SDK2: variants seen among roughly 807,000 people sequenced by gnomAD.
SDK2 encodes the protein sidekick cell adhesion molecule 2.
Under a neutral mutation model 253.9 loss-of-function variants are expected in SDK2, and 105 were observed. That is an observed-to-expected ratio of 0.41 (90% confidence interval 0.35 to 0.49). The LOEUF (loss-of-function observed/expected upper bound fraction) is 0.49, where lower values mean the gene tolerates loss of function less well. Among genes scored for constraint, SDK2 ranks in the 20% least tolerant of loss-of-function variants. The pLI is 0.06. For missense variants in SDK2, 2,608 were observed against 3,003.0 expected, an observed-to-expected ratio of 0.87 and a Z score of 3.07; for synonymous variants, 1,249 against 1,234.9, an observed-to-expected ratio of 1.01 and a Z score of -0.24.
intron 25 of SDK2, among the ~76,000 whole-genome samples, chr17:73,394,834 C>A (rs906961531): frequency 1.3e-5 from 2 of 152,194 alleles, no homozygotes; most frequent in African/African-American, 4.8e-5. Flanking sequence ...TGTGGTCTTT[C>A]AGGCACCACT....
chr17:73,434,347 T>C (rs1298824300), intron 9 of SDK2, among the ~76,000 whole-genome samples: 1 of 152,228 alleles, frequency 6.6e-6, no homozygotes, highest in Non-Finnish European at 1.5e-5. Flanking sequence ...GCACTCTCCT[T>C]GCCCCATCCC....
At chr17:73,357,742 A>G in intron 40 of SDK2, 1 of 380,256 alleles carries the variant, frequency 2.6e-6, no homozygotes, top group Non-Finnish European at 4.8e-6. Context: ...GTTATGGGGC[A>G]CCCATCAGTG....
At chr17:73,466,734 G>C (rs1229332875) in intron 3 of SDK2, among the ~76,000 whole-genome samples, 1 of 122,556 alleles carries the variant, frequency 8.2e-6, no homozygotes, top group Non-Finnish European at 1.7e-5. Context: ...CCCCGGCTTA[G>C]GCTCTGCATC....
chr17:73,513,142 G>GA (rs34520658), intron 1 of SDK2, among the ~76,000 whole-genome samples: 58,294 of 146,250 alleles, frequency 0.4, 12,881 homozygotes, highest in Non-Finnish European at 0.5. Context: ...ATTCTGCCTG[G>GA]AAAAAAAAAA....
At chr17:73,592,742 C>T (rs1039055062) in intron 1 of SDK2, among the ~76,000 whole-genome samples, 97 of 152,168 alleles carry the variant, frequency 6.4e-4, no homozygotes, top group Non-Finnish European at 1.3e-3. Context: ...CACACCCTGG[C>T]GGCTCCCCAT....
intron 37 of SDK2, among the ~76,000 whole-genome samples, chr17:73,368,200 A>C (rs57025115): frequency 0.012 from 1,798 of 152,150 alleles, 41 homozygotes; most frequent in African/African-American, 0.042. Context: ...GGGGTTTCTC[A>C]AGGCTTTATG....
At chr17:73,456,770 C>T (rs534216107) in intron 3 of SDK2, among the ~76,000 whole-genome samples, 3 of 152,294 alleles carry the variant, frequency 2.0e-5, no homozygotes, top group Non-Finnish European at 2.9e-5. Context: ...GCAGAGGAGA[C>T]GCGGGTAGGA....
At chr17:73,446,592 A>G (rs1206632097) in intron 5 of SDK2, among the ~76,000 whole-genome samples, 6 of 152,142 alleles carry the variant, frequency 3.9e-5, no homozygotes, top group African/African-American at 1.4e-4. Context: ...AGAGGCTAGG[A>G]TCAGAATAAG....
intron 1 of SDK2, among the ~76,000 whole-genome samples, chr17:73,581,220 T>A (rs2045529965): frequency 6.6e-6 from 1 of 152,130 alleles, no homozygotes; most frequent in Non-Finnish European, 1.5e-5. Flanking sequence ...GGGTGCTCAA[T>A]CTGTACCTTT....
chr17:73,455,853 C>G lies in SDK2; in HGVS notation c.479+53G>C. The G allele has an allele frequency of 3.3e-6, 5 of 1,496,098 alleles. No individual in the cohort carries two copies. The East Asian group carries it at 1.3e-4, about 38-fold the overall frequency. 92.7% of individuals were successfully genotyped at this position (1,496,098 alleles called of 1,614,324 possible). On this transcript the variant is annotated intron_variant, in intron 4 of 44. Transcript: ENST00000392650. This position sits in a 1 kb window ranked among gnomAD's most constrained non-coding sequence, Gnocchi z 5.0. ...AGGGAGACTTTATCTGGCCCCAAAC[C>G]TCCTCCCCCAGACACCCCTCCCCTC...
intron 1 of SDK2, among the ~76,000 whole-genome samples, chr17:73,559,769 C>T (rs573543474): frequency 5.9e-5 from 9 of 152,168 alleles, no homozygotes; most frequent in Non-Finnish European, 1.0e-4. Context: ...GAGACAAGTG[C>T]CCCTAATGCC....
chr17:73,542,683 G>A (rs577043291), intron 1 of SDK2, among the ~76,000 whole-genome samples: 1 of 152,312 alleles, frequency 6.6e-6, no homozygotes, highest in Admixed American at 6.5e-5. Flanking sequence ...CGGAGAGGCA[G>A]TAGTGGAGGG....
At chr17:73,561,522 G>T (rs75990814) in intron 1 of SDK2, among the ~76,000 whole-genome samples, 1 of 152,222 alleles carries the variant, frequency 6.6e-6, no homozygotes, top group African/African-American at 2.4e-5. Flanking sequence ...CTGTGTGGTT[G>T]TTGTCCTGGG....
chr17:73,630,756 C>T (rs2046258809), intron 1 of SDK2, among the ~76,000 whole-genome samples: 1 of 152,182 alleles, frequency 6.6e-6, no homozygotes, highest in African/African-American at 2.4e-5. Flanking sequence ...CCCACGCCTT[C>T]CTGCTTCAAA....
chr17:73,429,634 C>G (rs2063310540), intron 12 of SDK2, among the ~76,000 whole-genome samples: 2 of 152,244 alleles, frequency 1.3e-5, no homozygotes, highest in African/African-American at 4.8e-5. Context: ...AGCGCCGGCC[C>G]CTTCTAGCCT....
At chr17:73,564,645 T>C (rs925476381) in intron 1 of SDK2, among the ~76,000 whole-genome samples, 1 of 151,916 alleles carries the variant, frequency 6.6e-6, no homozygotes, top group African/African-American at 2.4e-5. Flanking sequence ...GCCAACAGGG[T>C]GAAACTCTGT....
At chr17:73,433,911 C>T in intron 9 of SDK2, 63 bp from the exon 10 acceptor site, 1 of 1,183,562 alleles carries the variant, frequency 8.4e-7, no homozygotes. Flanking sequence ...AGCCAGAGGG[C>T]CAGGGGCCTC....
intron 40 of SDK2, among the ~76,000 whole-genome samples, chr17:73,355,568 G>A (rs1355469447): frequency 6.6e-6 from 1 of 151,956 alleles, no homozygotes; most frequent in South Asian, 2.1e-4. Flanking sequence ...GGATGGTCTC[G>A]ATCTCCTGAC....
chr17:73,449,586 T>C (rs553337672), intron 4 of SDK2, among the ~76,000 whole-genome samples: 1 of 145,512 alleles, frequency 6.9e-6, no homozygotes, highest in African/African-American at 2.5e-5. Context: ...GGTACCCTAA[T>C]GATGCCCCCC....
Sources: allele counts gnomAD v4.1 joint callset (sites outside exome capture counted in the v4.1 genomes callset), GRCh38; gene constraint gnomAD v4.1.1; non-coding constraint Gnocchi (gnomAD v3.1); transcripts MANE v1.5; gene names NCBI Gene and HGNC (gene_info 2026-07-23, HGNC 2026-07-21).